SLC8A1: variants seen among roughly 807,000 people sequenced by gnomAD.
SLC8A1 encodes sodium/calcium exchanger 1.
A neutral mutation model predicts 68.3 loss-of-function variants in SLC8A1; 18 were observed. The ratio of observed to expected loss-of-function variants is 0.26; its 90% CI spans 0.18 to 0.39. The LOEUF (loss-of-function observed/expected upper bound fraction) is 0.39, where lower values mean the gene tolerates loss of function less well. SLC8A1 is among the 10% of genes least tolerant of loss of function. The pLI is 1.00. For missense variants in SLC8A1, 985 were observed against 1,156.7 expected (o/e 0.85, Z 2.15); for synonymous variants, 475 against 415.5 (o/e 1.14, Z -1.74).
intron 2 of SLC8A1, among the ~76,000 whole-genome samples, chr2:40,355,116 G>C (rs1286015408): frequency 6.6e-6 from 1 of 152,120 alleles, no homozygotes; most frequent in African/African-American, 2.4e-5. Context: ...CTTTACTATG[G>C]GGAGGAGTTA....
intron 2 of SLC8A1, among the ~76,000 whole-genome samples, chr2:40,225,442 C>G (rs1321965033): frequency 2.0e-5 from 3 of 152,006 alleles, no homozygotes; most frequent in Admixed American, 1.3e-4. Context: ...ATAGTTTTCT[C>G]TTGGCTAGAC....
Position 40,412,323 on chromosome 2 carries a change from A to C in SLC8A1, c.1808+16150T>G, listed in dbSNP as rs182296804. ...CCTCACATATAACTAGTTTTCATGA[A>C]TGTGTTACTTCTCCTTCCCGAGAAT... On this transcript the variant is annotated intron_variant, in intron 2 of 7. Coordinates refer to ENST00000406785, the Ensembl canonical transcript of SLC8A1. Among the ~76,000 whole-genome samples, 433 of 152,292 alleles carry C rather than the reference A, an allele frequency of 2.8e-3. 5 individuals carry two copies. Among genetic ancestry groups the C allele is most frequent in the African/African-American group, 8.6e-3 (358 of 41,580 alleles).
rs184308038 is a variant in SLC8A1, at chr2:40,445,184, C to T, written c.-25+6720G>A. Among the ~76,000 whole-genome samples the T allele has an allele frequency of 1.9e-3, 288 of 152,128 alleles. 1 individual carries two copies. The highest frequency in any genetic ancestry group is 6.6e-3 in the African/African-American group (275 of 41,494). ...ATTTAATAGATGAAGAAAGTAAACACGGAAAAGGCTAAGTAATTAGCACAA... is the reference window on the plus strand; with the variant it reads ...ATTTAATAGATGAAGAAAGTAAACATGGAAAAGGCTAAGTAATTAGCACAA... On this transcript the variant is annotated intron_variant, in intron 1 of 7. Coordinates refer to ENST00000406785, the Ensembl canonical transcript of SLC8A1.
upstream of SLC8A1, among the ~76,000 whole-genome samples, chr2:40,452,342 G>C (rs1304453077): frequency 1.3e-5 from 2 of 152,034 alleles, no homozygotes; most frequent in African/African-American, 4.8e-5. Context: ...AGCACCGAGC[G>C]GGTGGGGAGC....
chr2:40,483,597 T>A (rs1704778469), intron 1 of SLC8A1, among the ~76,000 whole-genome samples: 1 of 152,178 alleles, frequency 6.6e-6, no homozygotes, highest in Admixed American at 6.5e-5. Flanking sequence ...TCCCTCAATT[T>A]TATCTGCTCA....
chr2:40,260,291 G>C (rs1041635639), intron 2 of SLC8A1, among the ~76,000 whole-genome samples: 2 of 152,314 alleles, frequency 1.3e-5, no homozygotes, highest in Non-Finnish European at 1.5e-5. Flanking sequence ...GGGAAGGGCT[G>C]TTCAGAGCTC....
intron 1 of SLC8A1, among the ~76,000 whole-genome samples, chr2:40,477,181 T>C (rs2149908644): frequency 6.6e-6 from 1 of 152,328 alleles, no homozygotes. Flanking sequence ...ATAAATTTCC[T>C]GGGCAACGTG....
chr2:40,346,198 T>C (rs998212942), intron 2 of SLC8A1, among the ~76,000 whole-genome samples: 3 of 152,030 alleles, frequency 2.0e-5, no homozygotes, highest in Non-Finnish European at 4.4e-5. Flanking sequence ...CATCTCTATA[T>C]TTAGGGTTGA....
chr2:40,404,528 G>T (rs776572727), intron 2 of SLC8A1, among the ~76,000 whole-genome samples: 7 of 152,188 alleles, frequency 4.6e-5, no homozygotes, highest in Non-Finnish European at 8.8e-5. Flanking sequence ...GTTTGTGCAT[G>T]TTGAGGAAAG....
chr2:40,355,812 T>C (rs1672490874), intron 2 of SLC8A1, among the ~76,000 whole-genome samples: 1 of 152,228 alleles, frequency 6.6e-6, no homozygotes, highest in South Asian at 2.1e-4. Context: ...TCTGGTATTA[T>C]GTGCCATTTT....
At chr2:40,426,209 C>A (rs1298917165) in intron 2 of SLC8A1, among the ~76,000 whole-genome samples, 1 of 151,844 alleles carries the variant, frequency 6.6e-6, no homozygotes, top group Non-Finnish European at 1.5e-5. Context: ...AAATGCTTTG[C>A]CATTTCTAAA....
At chr2:40,386,865 A>C (rs1683726716) in intron 2 of SLC8A1, among the ~76,000 whole-genome samples, 1 of 151,204 alleles carries the variant, frequency 6.6e-6, no homozygotes. Context: ...CATGAATGAC[A>C]ACAAACTACC....
chr2:40,139,815 T>C, intron 6 of SLC8A1, 139 bp from the exon 10 acceptor site: 1 of 816,406 alleles, frequency 1.2e-6, no homozygotes, highest in East Asian at 2.5e-5. Flanking sequence ...GTTTAGGGTT[T>C]TCCAAGAGTT....
chr2:40,381,110 T>A (rs1212008073), intron 2 of SLC8A1, among the ~76,000 whole-genome samples: 1 of 152,074 alleles, frequency 6.6e-6, no homozygotes, highest in Non-Finnish European at 1.5e-5. Flanking sequence ...AAGCCAAATT[T>A]TCTAGATTGT....
chr2:40,383,409 T>C (rs545721437), intron 2 of SLC8A1, among the ~76,000 whole-genome samples: 22 of 152,198 alleles, frequency 1.4e-4, no homozygotes, highest in Admixed American at 3.9e-4. Flanking sequence ...ACAGGAACCA[T>C]CCCAAAGACA....
intron 2 of SLC8A1, among the ~76,000 whole-genome samples, chr2:40,216,319 T>C (rs1460577617): frequency 1.3e-5 from 2 of 152,216 alleles, no homozygotes; most frequent in Non-Finnish European, 2.9e-5. Context: ...TCCATGTCCT[T>C]GCAAAGGACA....
exon 8 of SLC8A1, chr2:40,108,120 A>T (rs1321871780): frequency 6.6e-6 from 1 of 152,220 alleles, no homozygotes; most frequent in Non-Finnish European, 1.5e-5. Context: ...ATCAAAATGG[A>T]ATCAGCCTTT....
chr2:40,379,589 C>T (rs760250238), intron 2 of SLC8A1, among the ~76,000 whole-genome samples: 4 of 151,978 alleles, frequency 2.6e-5, no homozygotes, highest in South Asian at 2.1e-4. Flanking sequence ...TGTTGTGCAG[C>T]CATTTCACTG....
chr2:40,121,880 A>G (rs2036911545), intron 7 of SLC8A1, among the ~76,000 whole-genome samples: 1 of 152,168 alleles, frequency 6.6e-6, no homozygotes, highest in Non-Finnish European at 1.5e-5. Context: ...AAAATTCTTA[A>G]TTATTTTACT....
Sources: gnomAD v4.1 joint callset for allele counts (sites outside exome capture counted in the v4.1 genomes callset) on GRCh38, gnomAD v4.1.1 for gene constraint, MANE v1.5 for transcripts, NCBI Gene and HGNC (gene_info 2026-07-23, HGNC 2026-07-21) for gene names.